RTP3: variants seen among roughly 807,000 people sequenced by gnomAD.
The protein encoded by RTP3 is receptor-transporting protein 3.
A neutral mutation model predicts 6.2 loss-of-function variants in RTP3; 2 were observed. That is an observed-to-expected ratio of 0.32 (90% CI 0.13 to 1.02). The LOEUF is 1.02. Ranked by LOEUF, RTP3 falls within the 50% of genes least tolerant of loss-of-function variation. The pLI is 0.47. For missense variants in RTP3, 252 were observed against 280.8 expected (o/e 0.90, Z 0.73); for synonymous variants, 106 against 98.3 (o/e 1.08, Z -0.47).
At chr3:46,498,993 G>A (rs1027144039) in intron 1 of RTP3, among the ~76,000 whole-genome samples, 3 of 152,222 alleles carry the variant, frequency 2.0e-5, no homozygotes, top group African/African-American at 7.2e-5. Context: ...GAGACCCAGG[G>A]GATGGCAGTG....
Position 46,500,374 on chromosome 3 carries a change from C to T in RTP3, c.174C>T (p.Cys58=), listed in dbSNP as rs747002565. 4 of 1,610,576 alleles carry T rather than the reference C, an allele frequency of 2.5e-6. No individual in the cohort carries two copies. The highest frequency in any genetic ancestry group is 3.4e-6 in the Non-Finnish European group (4 of 1,178,728). Residue 58 remains cysteine (C), a synonymous_variant, in exon 2 of 2, where the codon TGC becomes TGT. Coordinates refer to ENST00000296142, the MANE Select transcript of RTP3 (RefSeq NM_031440.2). ...TCCACAGGTTCCAGTGCTCCTCCTG[C>T]TCTCGTAACTGGGCCTCTGCCCAAG... ...WTFARFQCSS[C]SRNWASAQVL...
At position 46,498,167 on chromosome 3, in the gene RTP3, CA is replaced by C; in HGVS notation, c.107del (p.Asn36ThrfsTer3). Reference sequence around the variant, plus strand: ...TGAGACCAGACAAGGGCCTTCTTCCCAACGTCCTGAAGCCAGGCTGGATGCA... The same window carrying C: ...TGAGACCAGACAAGGGCCTTCTTCCCACGTCCTGAAGCCAGGCTGGATGCA... ...TLRPDKGLLP[N>X]VLKPGWMQYQ... On this transcript the variant is annotated frameshift_variant, in exon 1 of 2. Transcript: ENST00000296142. LOFTEE classifies it low-confidence loss of function (END_TRUNC). 1 of 1,614,236 alleles carries C rather than the reference CA, an allele frequency of 6.2e-7. No individual in the cohort carries two copies. Among genetic ancestry groups the C allele is most frequent in the Non-Finnish European group, 8.5e-7 (1 of 1,180,046 alleles).
chr3:46,500,805 C>T lies in RTP3; in HGVS notation c.605C>T (p.Ala202Val). 6.2e-7 allele frequency: 1 copy of T among 1,613,946 alleles called. No homozygotes were observed. Among genetic ancestry groups the T allele is most frequent in the Non-Finnish European group, 8.5e-7 (1 of 1,179,962 alleles). ...TCAGGAGAGAATGTCTATTCCTACG[C>T]ATGCCAAAACCACATCTGTAGGAAC... Reference protein sequence around the residue: ...WASGENVYSYACQNHICRNLS... With the variant: ...WASGENVYSYVCQNHICRNLS... Residue 202 changes from alanine to valine, a missense_variant, in exon 2 of 2, where the codon GCA (alanine) becomes GTA (valine). Transcript: ENST00000296142.
chr3:46,499,181 C>T (rs1454510266), intron 1 of RTP3, among the ~76,000 whole-genome samples: 1 of 152,236 alleles, frequency 6.6e-6, no homozygotes, highest in African/African-American at 2.4e-5. Flanking sequence ...GACTAACTCC[C>T]TCTTCCCAGC....
At position 46,500,551 on chromosome 3, in the gene RTP3, C is replaced by T; in HGVS notation, c.351C>T (p.Asn117=). The change falls in exon 2 of 2, where the codon AAC becomes AAT. Residue 117 remains asparagine, a synonymous_variant. Transcript: ENST00000296142. ...TQENISRILK[N]LVFRILKKCY... The stretch of plus-strand genomic sequence containing the variant: ...AGAACATCTCAAGGATCCTGAAAAA[C>T]CTGGTGTTCCGAATTCTGAAGAAAT... 6.2e-7 allele frequency: 1 copy of T among 1,614,238 alleles called. No homozygotes were observed. Among genetic ancestry groups the T allele is most frequent in the Non-Finnish European group, 8.5e-7 (1 of 1,180,044 alleles).
intron 1 of RTP3, among the ~76,000 whole-genome samples, chr3:46,498,618 G>A (rs1411247113): frequency 1.3e-5 from 2 of 152,178 alleles, no homozygotes; most frequent in Admixed American, 6.5e-5. Flanking sequence ...AGACACCCTC[G>A]GGGGAGGCCG....
chr3:46,499,470 G>C (rs1249348705), intron 1 of RTP3, among the ~76,000 whole-genome samples: 1 of 152,184 alleles, frequency 6.6e-6, no homozygotes, highest in Non-Finnish European at 1.5e-5. Flanking sequence ...GGAGTGCATG[G>C]ATAATTTGGT....
Position 46,500,585 on chromosome 3 carries a change from G to T in RTP3, c.385G>T (p.Gly129Ter). 1 of 1,614,192 alleles carries T rather than the reference G, an allele frequency of 6.2e-7. No individual in the cohort carries two copies. The change falls in exon 2 of 2, where the codon GGA becomes TGA. Residue 129 changes from glycine to a stop codon, truncating the protein, a stop_gained. Transcript: ENST00000296142. LOFTEE classifies it low-confidence loss of function (END_TRUNC). ...CCGAATTCTGAAGAAATGCTATAGA[G>T]GAAGATTTCAGTTGATAGAGGAGGT... Reference protein sequence around the residue: ...VFRILKKCYRGRFQLIEEVPM... With the variant: ...VFRILKKCYR
chr3:46,499,776 A>T (rs1328499331), intron 1 of RTP3, among the ~76,000 whole-genome samples: 1 of 152,092 alleles, frequency 6.6e-6, no homozygotes. Flanking sequence ...TCCCTGCAAT[A>T]CCGCAGACCA....
chr3:46,500,869 C>T lies in RTP3; in HGVS notation c.669C>T (p.Ile223=), dbSNP rs1278704448. 1.0e-5 allele frequency: 16 copies of T among 1,587,520 alleles called. No homozygotes were observed. Among genetic ancestry groups the T allele is most frequent in the East Asian group, 2.2e-5 (1 of 44,736 alleles). ...GCTGTTGTGTCATTCTCATTGTTAT[C>T]GTGGTGATTGTTGTAAAAACTGCTA... ...IFCCCVILIV[I]VVIVVKTAI is the part of the protein sequence containing the mutation. Residue 223 remains isoleucine, a synonymous_variant, in exon 2 of 2, where the codon ATC becomes ATT. Coordinates refer to ENST00000296142, the MANE Select transcript of RTP3 (RefSeq NM_031440.2).
In RTP3 at chr3:46,500,798, T is replaced by C. The variant is rs1316077815; in HGVS notation, c.598T>C (p.Ser200Pro). The change falls in exon 2 of 2, where the codon TCC becomes CCC. Residue 200 changes from serine to proline, a missense_variant. Ser to Pro is a moderately conservative substitution (Grantham distance 74). Transcript: ENST00000296142. ...KPWASGENVY[S>P]YACQNHICRN... ...CTGGGCCTCAGGAGAGAATGTCTAT[T>C]CCTACGCATGCCAAAACCACATCTG... 1 of 1,614,124 alleles carries C rather than the reference T, an allele frequency of 6.2e-7. No homozygotes were observed. The highest frequency in any genetic ancestry group is 2.2e-5 in the East Asian group (1 of 44,888).
chr3:46,500,222 A>G lies in RTP3; in HGVS notation c.156-134A>G, dbSNP rs951386341. ...ATGGAGATGGGAAAGAGGTCTTAGC[A>G]ATTTCTTCCACCACTGAGCCACAGC... On this transcript the variant is annotated intron_variant, in intron 1 of 1. Coordinates refer to ENST00000296142, the MANE Select transcript of RTP3 (RefSeq NM_031440.2). 7 of 917,412 alleles carry G rather than the reference A, an allele frequency of 7.6e-6. No individual in the cohort carries two copies. In the African/African-American group the frequency reaches 1.2e-4, roughly 15 times the overall value. 56.8% of individuals were successfully genotyped at this position (917,412 alleles called of 1,614,324 possible). A position where few individuals can be genotyped will look rare whatever the true frequency, so the allele number is the denominator to read the frequency against.
chr3:46,500,351 C>A lies in RTP3; in HGVS notation c.156-5C>A, dbSNP rs370702680. The A allele has an allele frequency of 1.3e-6, 2 of 1,596,902 alleles. No homozygotes were observed. The highest frequency in any genetic ancestry group is 2.7e-5 in the African/African-American group (2 of 74,240). ...CCAGGCTGAGACTCTCTTCTGTCTC[C>A]ACAGGTTCCAGTGCTCCTCCTGCTC... On this transcript the variant is annotated splice_region_variant and splice_polypyrimidine_tract_variant and intron_variant, in intron 1 of 1. Coordinates refer to ENST00000296142, the MANE Select transcript of RTP3 (RefSeq NM_031440.2).
rs781390658 is a variant in RTP3 at position 46,498,143 on chromosome 3, G to T, written c.81G>T (p.Leu27=). 6.2e-7 allele frequency: 1 copy of T among 1,614,260 alleles called. No homozygotes were observed. Among genetic ancestry groups the T allele is most frequent in the African/African-American group, 1.3e-5 (1 of 75,070 alleles). The change falls in exon 1 of 2, where the codon CTG becomes CTT. Residue 27 remains leucine, a synonymous_variant. Coordinates refer to ENST00000296142, the MANE Select transcript of RTP3 (RefSeq NM_031440.2). ...REVKPWHRWT[L]RPDKGLLPNV... ...TGAAGCCATGGCACAGGTGGACCCT[G>T]AGACCAGACAAGGGCCTTCTTCCCA... is the stretch of plus-strand genomic sequence containing the variant.
intron 1 of RTP3, 145 bp from the exon 2 acceptor site, chr3:46,500,211 G>A (rs1325073407): frequency 4.9e-6 from 4 of 812,862 alleles, no homozygotes; most frequent in Non-Finnish European, 7.9e-6. Flanking sequence ...AGATGGGAAA[G>A]AGGTCTTAGC....
At chr3:46,499,427 CAGCCTCACGGCA>C (rs2106949240) in intron 1 of RTP3, among the ~76,000 whole-genome samples, 1 of 152,366 alleles carries the variant, frequency 6.6e-6, no homozygotes, top group African/African-American at 2.4e-5. Context: ...CCCATGGCCC[CAGCCTCACGGCA>C]AAGGGGCTGG....
At chr3:46,499,352 G>T (rs1208087145) in intron 1 of RTP3, among the ~76,000 whole-genome samples, 1 of 152,224 alleles carries the variant, frequency 6.6e-6, no homozygotes, top group African/African-American at 2.4e-5. Context: ...TCTTACCAAG[G>T]CTTCTGTGAC....
At position 46,500,362 on chromosome 3, in the gene RTP3, G is replaced by A; in HGVS notation, c.162G>A (p.Gln54=). ...QYQQWTFARF[Q]CSSCSRNWAS... ...CTCTCTTCTGTCTCCACAGGTTCCAGTGCTCCTCCTGCTCTCGTAACTGGG... is the reference window on the plus strand; with the variant it reads ...CTCTCTTCTGTCTCCACAGGTTCCAATGCTCCTCCTGCTCTCGTAACTGGG... The change falls in exon 2 of 2, where the codon CAG becomes CAA. Residue 54 remains glutamine (Q), a synonymous_variant. Transcript: ENST00000296142. The A allele has an allele frequency of 6.2e-7, 1 of 1,606,396 alleles. No individual in the cohort carries two copies. The highest frequency in any genetic ancestry group is 8.5e-7 in the Non-Finnish European group (1 of 1,176,940).
At chr3:46,498,281 T>C in intron 1 of RTP3, 64 bp downstream of exon 1, 2 of 1,565,312 alleles carry the variant, frequency 1.3e-6, no homozygotes, top group South Asian at 1.1e-5. Context: ...TAGGTATACC[T>C]GTTACTTTTC....
Sources: allele counts gnomAD v4.1 joint callset (sites outside exome capture counted in the v4.1 genomes callset), GRCh38; gene constraint gnomAD v4.1.1; transcripts MANE v1.5; gene names NCBI Gene and HGNC (gene_info 2026-07-23, HGNC 2026-07-21).